SLC35F5: variants seen among roughly 807,000 people sequenced by gnomAD.
The protein encoded by SLC35F5 is solute carrier family 35 member F5.
A neutral mutation model predicts 68.6 loss-of-function variants in SLC35F5; 54 were observed. The ratio of observed to expected loss-of-function variants is 0.79; its 90% CI spans 0.63 to 0.99. The LOEUF is 0.99. SLC35F5 is among the 50% of genes least tolerant of loss of function. The pLI is 0.00. For missense variants in SLC35F5, 567 were observed against 626.9 expected, an observed-to-expected ratio of 0.90 and a Z score of 1.02; for synonymous variants, 211 against 205.2, an observed-to-expected ratio of 1.03 and a Z score of -0.24.
chr2:113,751,300 G>A (rs1459968902), intron 3 of SLC35F5, among the ~76,000 whole-genome samples: 1 of 152,194 alleles, frequency 6.6e-6, no homozygotes, highest in East Asian at 1.9e-4. Context: ...AAAGGAGACT[G>A]ACAAATTTCA....
At position 113,709,152 on chromosome 2, in the gene SLC35F5, G is replaced by A. The variant is rs996346342; in HGVS notation, c.*6066C>T. Reference sequence around the variant, plus strand: ...AGCACTAAGTACACATAGGTGTTTGGCATTGTCTCTGGAACTACAAAACTA... The same window carrying A: ...AGCACTAAGTACACATAGGTGTTTGACATTGTCTCTGGAACTACAAAACTA... On this transcript the variant is annotated 3_prime_UTR_variant, in exon 16 of 16. Transcript: ENST00000245680. 7.9e-5 allele frequency among the ~76,000 whole-genome samples: 12 copies of A among 152,068 alleles called. No homozygotes were observed. The highest frequency in any genetic ancestry group is 2.9e-5 in the Non-Finnish European group (2 of 68,024).
At chr2:113,751,050 C>T (rs182022261) in intron 3 of SLC35F5, among the ~76,000 whole-genome samples, 7 of 152,212 alleles carry the variant, frequency 4.6e-5, no homozygotes, top group African/African-American at 1.4e-4. Context: ...GAGGCTGAAG[C>T]GGGAGGATCC....
intron 3 of SLC35F5, among the ~76,000 whole-genome samples, chr2:113,750,873 G>A (rs1574271567): frequency 6.6e-6 from 1 of 152,206 alleles, no homozygotes; most frequent in South Asian, 2.1e-4. Flanking sequence ...GGCCAGGCGC[G>A]GAGGCCCAAG....
At chr2:113,720,480 T>A (rs1687388756) in intron 13 of SLC35F5, among the ~76,000 whole-genome samples, 1 of 152,138 alleles carries the variant, frequency 6.6e-6, no homozygotes. Context: ...AACACAAGAA[T>A]AATAACTGAC....
intron 4 of SLC35F5, among the ~76,000 whole-genome samples, chr2:113,747,330 C>T (rs1676536174): frequency 6.6e-6 from 1 of 151,434 alleles, no homozygotes; most frequent in South Asian, 2.1e-4. Flanking sequence ...CTGGATCACA[C>T]TTTAAGAATC....
chr2:113,744,709 C>T (rs949779426), intron 5 of SLC35F5, among the ~76,000 whole-genome samples: 10 of 152,054 alleles, frequency 6.6e-5, no homozygotes, highest in Non-Finnish European at 1.3e-4. Context: ...GCTGAGATTG[C>T]GCCACTGCAC....
chr2:113,746,635 T>C (rs1436822684), intron 4 of SLC35F5, among the ~76,000 whole-genome samples: 2 of 152,054 alleles, frequency 1.3e-5, no homozygotes, highest in Non-Finnish European at 2.9e-5. Flanking sequence ...TACTATAACA[T>C]TTCAGATAAG....
chr2:113,753,177 T>C (rs1405716522), intron 3 of SLC35F5, among the ~76,000 whole-genome samples: 90 of 117,808 alleles, frequency 7.6e-4, no homozygotes, highest in African/African-American at 2.6e-3. Context: ...TCTTTTTTTT[T>C]TTTTTTTTTT....
chr2:113,731,703 A>G, intron 9 of SLC35F5, 55 bp from the exon 10 acceptor site: 15 of 1,379,340 alleles, frequency 1.1e-5, no homozygotes, highest in Non-Finnish European at 1.5e-5. Context: ...AAGCCTAATC[A>G]TGAAGATAAA....
At chr2:113,716,021 A>G (rs1687165765) in intron 15 of SLC35F5, among the ~76,000 whole-genome samples, 1 of 152,210 alleles carries the variant, frequency 6.6e-6, no homozygotes, top group Non-Finnish European at 1.5e-5. Flanking sequence ...AGCTCAAGTT[A>G]TCCTCCCTCC....
chr2:113,709,140 C>T lies in SLC35F5; in HGVS notation c.*6078G>A, dbSNP rs1325633674. ...CACTCTTTACAAAGCACTAAGTACA[C>T]ATAGGTGTTTGGCATTGTCTCTGGA... On this transcript the variant is annotated 3_prime_UTR_variant, in exon 16 of 16. Coordinates refer to ENST00000245680, the MANE Select transcript of SLC35F5 (RefSeq NM_025181.5). Among the ~76,000 whole-genome samples, 1 of 152,164 alleles carries T rather than the reference C, an allele frequency of 6.6e-6. No individual in the cohort carries two copies. The highest frequency in any genetic ancestry group is 1.5e-5 in the Non-Finnish European group (1 of 68,030).
At chr2:113,748,094 C>A (rs866802308) in intron 4 of SLC35F5, among the ~76,000 whole-genome samples, 3 of 151,982 alleles carry the variant, frequency 2.0e-5, no homozygotes, top group South Asian at 4.1e-4. Flanking sequence ...TCTGTCTCAA[C>A]AACAGCAACA....
intron 4 of SLC35F5, among the ~76,000 whole-genome samples, chr2:113,747,067 A>G (rs1269770956): frequency 6.6e-6 from 1 of 152,112 alleles, no homozygotes. Context: ...TGGGTTGATC[A>G]CTTGAGGTCA....
At chr2:113,718,682 C>A (rs1248064335) in intron 14 of SLC35F5, among the ~76,000 whole-genome samples, 3 of 151,996 alleles carry the variant, frequency 2.0e-5, no homozygotes, top group Non-Finnish European at 4.4e-5. Flanking sequence ...GTAATCCCAG[C>A]TACTCAGGAG....
At position 113,710,698 on chromosome 2, in the gene SLC35F5, C is replaced by T. The variant is rs1226529924; in HGVS notation, c.*4520G>A. 6.6e-6 allele frequency among the ~76,000 whole-genome samples: 1 copy of T among 151,864 alleles called. No homozygotes were observed. Among genetic ancestry groups the T allele is most frequent in the African/African-American group, 2.4e-5 (1 of 41,314 alleles). On this transcript the variant is annotated 3_prime_UTR_variant, in exon 16 of 16. Transcript: ENST00000245680. ...GACTGAGGTGGGAGGATGGCTTGAG[C>T]TTGGGAGGTTGCAGTGAGCCAAGAT...
chr2:113,719,135 G>C lies in SLC35F5; in HGVS notation c.1496+19C>G. The stretch of plus-strand genomic sequence containing the variant: ...TAGCAAACACTATTTTTAAAAATGT[G>C]TATTGGGACTAAACTTACCTCTGAA... On this transcript the variant is annotated intron_variant, in intron 14 of 15. Coordinates refer to ENST00000245680, the MANE Select transcript of SLC35F5 (RefSeq NM_025181.5). The C allele has an allele frequency of 1.3e-6, 2 of 1,595,668 alleles. No homozygotes were observed. The highest frequency in any genetic ancestry group is 8.5e-7 in the Non-Finnish European group (1 of 1,175,100).
chr2:113,753,523 A>G (rs1189550838), intron 3 of SLC35F5, among the ~76,000 whole-genome samples: 1 of 152,162 alleles, frequency 6.6e-6, no homozygotes, highest in East Asian at 1.9e-4. Context: ...AAGTAGAGAC[A>G]TTACATACAT....
chr2:113,755,134 G>A (rs1383645073), intron 3 of SLC35F5, 31 bp downstream of exon 3: 1 of 1,606,052 alleles, frequency 6.2e-7, no homozygotes, highest in Admixed American at 1.7e-5. Context: ...TGGCTGTAAT[G>A]TAACATCATT....
chr2:113,718,865 AAAAGAAAGAAAG>A (rs765844454), intron 14 of SLC35F5, among the ~76,000 whole-genome samples: 1,313 of 123,490 alleles, frequency 0.011, 16 homozygotes, highest in East Asian at 0.042. Context: ...GAGAGAAAGA[AAAAGAAAGAAAG>A]AAAGAAAGAA....
Sources: gnomAD v4.1 joint callset for allele counts (sites outside exome capture counted in the v4.1 genomes callset) on GRCh38, gnomAD v4.1.1 for gene constraint, MANE v1.5 for transcripts, NCBI Gene and HGNC (gene_info 2026-07-23, HGNC 2026-07-21) for gene names.